CHMP7: variants seen among roughly 807,000 people sequenced by gnomAD.
CHMP7 encodes charged multivesicular body protein 7, also known as CHMP family, member 7.
CHMP7 carries 15 observed loss-of-function variants against 53.7 expected under a neutral mutation model. The observed-to-expected ratio is 0.28, with a 90% CI of 0.19 to 0.43. The LOEUF (loss-of-function observed/expected upper bound fraction) is 0.43. CHMP7 is among the 20% of genes least tolerant of loss of function. The pLI, the probability that CHMP7 is intolerant of heterozygous loss-of-function variation, is 1.00. For synonymous variants in CHMP7, 261 were observed against 228.0 expected (o/e 1.14, Z -1.30); for missense variants, 527 against 569.4 (o/e 0.93, Z 0.76).
Position 23,257,907 on chromosome 8 carries a change from A to G in CHMP7, c.792-126A>G, listed in dbSNP as rs546048125. Reference sequence around the variant, plus strand: ...TGCCGTCAGCATCAGTTTTCTTGCCACTGGGTATTGGGTTTAGTCTTCAGA... The same window carrying G: ...TGCCGTCAGCATCAGTTTTCTTGCCGCTGGGTATTGGGTTTAGTCTTCAGA... On this transcript the variant is annotated intron_variant, in intron 5 of 10. Coordinates refer to ENST00000397677, the MANE Select transcript of CHMP7 (RefSeq NM_152272.5). 31 of 678,650 alleles carry G rather than the reference A, an allele frequency of 4.6e-5. No individual in the cohort carries two copies. In the African/African-American group the frequency reaches 5.2e-4, roughly 11 times the overall value. The allele number at this position is 678,650 out of a possible 1,614,324, so 42.0% of individuals were successfully genotyped here. A position where few individuals can be genotyped will look rare whatever the true frequency, so the allele number is the denominator to read the frequency against.
chr8:23,252,893 T>G (rs1389834045), intron 3 of CHMP7, among the ~76,000 whole-genome samples: 1 of 152,254 alleles, frequency 6.6e-6, no homozygotes, highest in East Asian at 1.9e-4. Context: ...TACTGTGCAG[T>G]TACTGCAGTG....
chr8:23,252,837 G>A (rs975447267), intron 3 of CHMP7, among the ~76,000 whole-genome samples: 1 of 152,198 alleles, frequency 6.6e-6, no homozygotes, highest in Non-Finnish European at 1.5e-5. Flanking sequence ...AGTTGTCTCA[G>A]TATCTTTTCT....
chr8:23,247,012 G>T lies in CHMP7; in HGVS notation c.299+18G>T. The T allele has an allele frequency of 1.3e-6, 2 of 1,493,792 alleles. No individual in the cohort carries two copies. The highest frequency in any genetic ancestry group is 8.9e-7 in the Non-Finnish European group (1 of 1,128,798). The allele number at this position is 1,493,792 out of a possible 1,614,324, so 92.5% of individuals were successfully genotyped here. On this transcript the variant is annotated intron_variant, in intron 2 of 10. Coordinates refer to ENST00000397677, the MANE Select transcript of CHMP7 (RefSeq NM_152272.5). ...CTGCTGCGGTGAGGGGCGGGCTGGG[G>T]CCAGGGCCGCGAGGGCGGGCGGGGG...
intron 3 of CHMP7, among the ~76,000 whole-genome samples, chr8:23,253,196 A>G (rs1009839284): frequency 5.3e-5 from 8 of 152,258 alleles, no homozygotes; most frequent in Non-Finnish European, 1.0e-4. Flanking sequence ...TCAACATTGT[A>G]TCGCTGTCCT....
At chr8:23,250,461 T>C (rs754187091) in intron 3 of CHMP7, among the ~76,000 whole-genome samples, 5 of 152,162 alleles carry the variant, frequency 3.3e-5, no homozygotes, top group Non-Finnish European at 7.3e-5. Flanking sequence ...ACACCGATTG[T>C]CTCTTTTGTG....
chr8:23,256,728 G>A (rs1585313938), intron 5 of CHMP7, 135 bp downstream of exon 5: 2 of 542,248 alleles, frequency 3.7e-6, no homozygotes, highest in East Asian at 6.0e-5. Context: ...AGTACTCACT[G>A]CTCAATGCAG....
At chr8:23,247,912 T>C (rs541877269) in intron 2 of CHMP7, 3 of 370,274 alleles carry the variant, frequency 8.1e-6, no homozygotes, top group South Asian at 4.0e-5. Context: ...GTTTTTTGTT[T>C]GGTTGGTTTT....
In CHMP7 at chr8:23,260,561, C is replaced by T; in HGVS notation, c.1324C>T (p.Pro442Ser). 2.5e-6 allele frequency: 4 copies of T among 1,614,086 alleles called. No homozygotes were observed. Among genetic ancestry groups the T allele is most frequent in the Non-Finnish European group, 3.4e-6 (4 of 1,179,932 alleles). Residue 442 changes from proline (P) to serine (S), a missense_variant, in exon 11 of 11, where the codon CCA becomes TCA. Pro to Ser is a moderately conservative substitution (Grantham distance 74, BLOSUM62 -1). Transcript: ENST00000397677. ...EGGLVPSSKS[P>S]KRQLEPTLKP... The stretch of plus-strand genomic sequence containing the variant: ...AGGTTTGGTCCCAAGCAGTAAATCT[C>T]CAAAAAGGCAATTGGAACCGACTCT...
chr8:23,255,009 G>A lies in CHMP7; in HGVS notation c.472-238G>A, dbSNP rs140522141. On this transcript the variant is annotated intron_variant, in intron 3 of 10. Transcript: ENST00000397677. The stretch of plus-strand genomic sequence containing the variant: ...GTAAAATCCCCGATGGGCGTGCAGC[G>A]CAGAGCTGGCTCCCAGCATCTCATG... 9.9e-4 allele frequency: 559 copies of A among 563,788 alleles called. 5 individuals are homozygous for A. The East Asian group carries it at 0.012, about 12-fold the overall frequency. 34.9% of individuals were successfully genotyped at this position (563,788 alleles called of 1,614,324 possible).
At chr8:23,248,248 A>G (rs571770899) in intron 2 of CHMP7, 1 of 452,634 alleles carries the variant, frequency 2.2e-6, no homozygotes, top group Non-Finnish European at 4.5e-6. Context: ...TTGGAAGTGG[A>G]TCATCTTCCA....
chr8:23,246,703 C>A lies in CHMP7; in HGVS notation c.8C>A (p.Ser3Tyr). MW[S>Y]PEREAEAPAG... ...GCCGGGGCTGGGGTTCCGATGTGGT[C>A]CCCGGAGCGGGAGGCCGAGGCCCCA... is the stretch of plus-strand genomic sequence containing the variant. Residue 3 changes from serine to tyrosine, a missense_variant, in exon 2 of 11, where the codon TCC (serine) becomes TAC (tyrosine). Ser to Tyr is a moderately radical substitution (Grantham distance 144). Transcript: ENST00000397677. The A allele has an allele frequency of 1.9e-6, 3 of 1,548,274 alleles. No homozygotes were observed. Among genetic ancestry groups the A allele is most frequent in the South Asian group, 1.2e-5 (1 of 83,954 alleles).
intron 3 of CHMP7, chr8:23,254,757 T>C (rs1440373562): frequency 4.8e-6 from 1 of 207,870 alleles, no homozygotes; most frequent in East Asian, 1.1e-4. Context: ...GTTTGCAGTA[T>C]AGCCAATTGG....
chr8:23,247,032 CG>C, intron 2 of CHMP7, 38 bp downstream of exon 2: 1 of 1,422,080 alleles, frequency 7.0e-7, no homozygotes. Context: ...CGAGGGCGGG[CG>C]GGGGCAGCTC....
intron 3 of CHMP7, among the ~76,000 whole-genome samples, chr8:23,253,369 C>T (rs972236872): frequency 1.2e-4 from 18 of 152,198 alleles, no homozygotes; most frequent in African/African-American, 4.8e-5. Flanking sequence ...GTGCAACCTC[C>T]GCCTCCTGGG....
chr8:23,250,196 T>G (rs1801865486), intron 3 of CHMP7, among the ~76,000 whole-genome samples: 1 of 152,214 alleles, frequency 6.6e-6, no homozygotes, highest in Non-Finnish European at 1.5e-5. Context: ...CTTTGCTCTC[T>G]GCGGGCACTT....
intron 3 of CHMP7, among the ~76,000 whole-genome samples, chr8:23,251,403 G>C (rs556367866): frequency 6.6e-6 from 1 of 152,290 alleles, no homozygotes; most frequent in East Asian, 1.9e-4. Flanking sequence ...GAGAGTGCGT[G>C]AGTGTGTATG....
chr8:23,255,306 G>C lies in CHMP7; in HGVS notation c.531G>C (p.Val177=). ...YQNSPLSSHP[V]VALSELSTLC... is the part of the protein sequence containing the mutation. ...ACTCGCCCCTCTCCTCCCACCCCGT[G>C]GTGGCCCTGTCAGAGCTCAGCACCC... is the stretch of plus-strand genomic sequence containing the variant. Residue 177 remains valine (V), a synonymous_variant, in exon 4 of 11, where the codon GTG becomes GTC. Coordinates refer to ENST00000397677, the MANE Select transcript of CHMP7 (RefSeq NM_152272.5). The C allele has an allele frequency of 5.0e-6, 8 of 1,614,170 alleles. No homozygotes were observed. The highest frequency in any genetic ancestry group is 2.2e-5 in the East Asian group (1 of 44,870).
chr8:23,248,077 G>C (rs1020940949), intron 2 of CHMP7: 1 of 456,092 alleles, frequency 2.2e-6, no homozygotes, highest in Non-Finnish European at 4.4e-6. Flanking sequence ...CTCCCAAAGT[G>C]TTAAGATTAC....
chr8:23,250,513 C>T (rs897069896), intron 3 of CHMP7, among the ~76,000 whole-genome samples: 4 of 152,040 alleles, frequency 2.6e-5, no homozygotes, highest in Admixed American at 1.3e-4. Flanking sequence ...CCTTCTCAAC[C>T]GACCTTTGTG....
Sources: gnomAD v4.1 joint callset for allele counts (sites outside exome capture counted in the v4.1 genomes callset) on GRCh38, gnomAD v4.1.1 for gene constraint, MANE v1.5 for transcripts, NCBI Gene and HGNC (gene_info 2026-07-23, HGNC 2026-07-21) for gene names.